Variants in DNAH14 observed in about 807,000 individuals in gnomAD.
DNAH14 encodes the protein dynein axonemal heavy chain 14.
A neutral mutation model predicts 520.9 loss-of-function variants in DNAH14; 478 were observed. That is an observed-to-expected ratio of 0.92 (90% CI 0.85 to 0.99). DNAH14 has a LOEUF of 0.99. DNAH14 is among the 50% of genes least tolerant of loss of function. The pLI, the probability that DNAH14 is intolerant of heterozygous loss-of-function variation, is 0.00. For missense variants in DNAH14, 4,831 were observed against 5,234.5 expected (o/e 0.92, Z 2.38); for synonymous variants, 1,581 against 1,757.2 (o/e 0.90, Z 2.51).
chr1:225,294,921 T>C (rs1026712429), intron 55 of DNAH14, among the ~76,000 whole-genome samples: 6 of 152,124 alleles, frequency 3.9e-5, no homozygotes, highest in Non-Finnish European at 8.8e-5. Context: ...TGGGAGAGTT[T>C]TTATTACTGA....
intron 34 of DNAH14, among the ~76,000 whole-genome samples, chr1:225,156,578 A>G (rs889972632): frequency 3.3e-5 from 5 of 152,152 alleles, no homozygotes; most frequent in African/African-American, 1.2e-4. Context: ...ACTTGGACAC[A>G]ATGACTCAAA....
At chr1:225,045,819 C>T (rs2067906805) in intron 15 of DNAH14, among the ~76,000 whole-genome samples, 1 of 152,038 alleles carries the variant, frequency 6.6e-6, no homozygotes, top group African/African-American at 2.4e-5. Flanking sequence ...ATATTTCCTC[C>T]TGTAACTAAT....
chr1:225,235,188 A>G (rs113392577), intron 42 of DNAH14, among the ~76,000 whole-genome samples: 7,471 of 152,228 alleles, frequency 0.049, 287 homozygotes, highest in Non-Finnish European at 0.073. Flanking sequence ...GGTTTGTTAT[A>G]TATGGTTCTT....
intron 41 of DNAH14, among the ~76,000 whole-genome samples, chr1:225,223,032 C>T (rs1399443121): frequency 6.6e-6 from 1 of 152,142 alleles, no homozygotes; most frequent in Non-Finnish European, 1.5e-5. Context: ...ACCTTACCAC[C>T]TCCTCCTTCT....
chr1:224,949,332 ATGTG>A (rs1177215569), intron 1 of DNAH14, among the ~76,000 whole-genome samples: 1 of 151,524 alleles, frequency 6.6e-6, no homozygotes, highest in African/African-American at 2.4e-5. Flanking sequence ...GTGTGTGTGC[ATGTG>A]TGTGTGTGTA....
chr1:225,082,486 AT>A (rs983564654), intron 19 of DNAH14, 62 bp from the exon 20 acceptor site: 57 of 1,267,030 alleles, frequency 4.5e-5, no homozygotes, highest in Admixed American at 3.3e-4. Context: ...TATTTTCTCA[AT>A]TTTTTTGGTT....
At chr1:225,298,362 C>A (rs2094060929) in intron 55 of DNAH14, among the ~76,000 whole-genome samples, 1 of 152,168 alleles carries the variant, frequency 6.6e-6, no homozygotes, top group Non-Finnish European at 1.5e-5. Context: ...GTCAGCTGTT[C>A]AATGGCTCTG....
chr1:225,023,816 T>C lies in DNAH14; in HGVS notation c.1309T>C (p.Ser437Pro). 6.5e-7 allele frequency: 1 copy of C among 1,545,884 alleles called. No homozygotes were observed. The highest frequency in any genetic ancestry group is 8.7e-7 in the Non-Finnish European group (1 of 1,144,298). The change falls in exon 11 of 86, where the codon TCT (serine) becomes CCT (proline). Residue 437 changes from serine (S) to proline (P), a missense_variant. By Grantham distance (74) the Ser-to-Pro change is moderately conservative. Transcript: ENST00000682510. ...VTLLLELFNG[S>P]AGMPFSVEKK... ...ACTACTTTTGGAATTATTTAATGGT[T>C]CTGCTGGAATGCCATTTTCAGTGGA...
intron 26 of DNAH14, among the ~76,000 whole-genome samples, chr1:225,121,655 A>G (rs1204791287): frequency 6.6e-6 from 1 of 152,038 alleles, no homozygotes; most frequent in Admixed American, 6.5e-5. Context: ...AGCCTGGCCA[A>G]CATGGTGAAA....
intron 13 of DNAH14, 30 bp from the exon 14 acceptor site, chr1:225,043,714 T>C (rs558861315): frequency 1.8e-5 from 26 of 1,407,416 alleles, no homozygotes; most frequent in Non-Finnish European, 2.3e-5. Flanking sequence ...CAATTTTGTA[T>C]TTTCTCTTTC....
At chr1:225,284,193 A>G (rs2093687733) in intron 54 of DNAH14, among the ~76,000 whole-genome samples, 1 of 152,042 alleles carries the variant, frequency 6.6e-6, no homozygotes, top group African/African-American at 2.4e-5. Flanking sequence ...AGTAGGGAAT[A>G]CCAATAAAAC....
At chr1:225,139,099 C>T (rs1016600401) in intron 27 of DNAH14, among the ~76,000 whole-genome samples, 1 of 152,170 alleles carries the variant, frequency 6.6e-6, no homozygotes, top group Non-Finnish European at 1.5e-5. Flanking sequence ...ATTGTGGACA[C>T]AAGTTATTAT....
chr1:225,013,481 C>T (rs1455643651), intron 10 of DNAH14, among the ~76,000 whole-genome samples: 2 of 152,148 alleles, frequency 1.3e-5, no homozygotes, highest in Non-Finnish European at 2.9e-5. Flanking sequence ...TCCTTTAGCA[C>T]TGTGCTGGGA....
chr1:225,314,595 T>A lies in DNAH14; in HGVS notation c.9241-3988T>A, dbSNP rs1040308205. Among the ~76,000 whole-genome samples, 10 of 152,222 alleles carry A rather than the reference T, an allele frequency of 6.6e-5. No individual in the cohort carries two copies. The East Asian group carries it at 1.9e-3, about 29-fold the overall frequency. ...GGTACCAGTTTTTCCCTTCCATATT[T>A]AGTGCTTCCCTCAGGAGCTCTTATA... On this transcript the variant is annotated intron_variant, in intron 60 of 85. Transcript: ENST00000682510.
intron 64 of DNAH14, among the ~76,000 whole-genome samples, chr1:225,326,752 T>C (rs1369017439): frequency 1.3e-5 from 2 of 152,186 alleles, no homozygotes; most frequent in African/African-American, 4.8e-5. Context: ...TTGTTCCTTT[T>C]TTTGCAACAA....
chr1:225,206,127 A>ATCTC lies in DNAH14; in HGVS notation c.6139_6142dup (p.Gln2048LeufsTer20), dbSNP rs2087520474. 2 of 1,551,316 alleles carry ATCTC rather than the reference A, an allele frequency of 1.3e-6. No individual in the cohort carries two copies. The highest frequency in any genetic ancestry group is 8.7e-7 in the Non-Finnish European group (1 of 1,146,814). On this transcript the variant is annotated frameshift_variant, in exon 40 of 86. Transcript: ENST00000682510. LOFTEE classifies it high-confidence loss of function. Reference sequence around the variant, plus strand: ...ATAAGAGTGATTTTTGAAGTGGACAATCTCTCTCAGGCCAGTCCTGCTACT... The same window carrying ATCTC: ...ATAAGAGTGATTTTTGAAGTGGACAATCTCTCTCTCTCAGGCCAGTCCTGCTACT...
chr1:225,251,030 C>T (rs1285646821), intron 43 of DNAH14, among the ~76,000 whole-genome samples: 4 of 152,096 alleles, frequency 2.6e-5, no homozygotes, highest in Non-Finnish European at 4.4e-5. Flanking sequence ...TTTGTTATGG[C>T]AGCCCAAGCT....
intron 15 of DNAH14, among the ~76,000 whole-genome samples, chr1:225,049,252 G>A (rs952192176): frequency 2.6e-5 from 4 of 151,206 alleles, no homozygotes; most frequent in African/African-American, 4.9e-5. Context: ...TAGTAGAGAC[G>A]GGGTTTCACC....
intron 36 of DNAH14, among the ~76,000 whole-genome samples, chr1:225,170,792 C>G (rs1474748836): frequency 6.6e-6 from 1 of 152,200 alleles, no homozygotes; most frequent in East Asian, 1.9e-4. Context: ...ACAAAACCCT[C>G]CACCCCAAAT....
Sources: gnomAD v4.1 joint callset for allele counts (sites outside exome capture counted in the v4.1 genomes callset) on GRCh38, gnomAD v4.1.1 for gene constraint, MANE v1.5 for transcripts, NCBI Gene and HGNC (gene_info 2026-07-23, HGNC 2026-07-21) for gene names.